Variants in STK3 observed in about 807,000 individuals in gnomAD.
The protein encoded by STK3 is serine/threonine kinase 3.
Under a neutral mutation model 58.0 loss-of-function variants are expected in STK3, and 41 were observed. The observed-to-expected ratio is 0.71, with a 90% CI of 0.55 to 0.92. STK3 has a LOEUF of 0.92. Ranked by LOEUF, STK3 falls within the 40% of genes least tolerant of loss-of-function variation. The pLI, the probability that STK3 is intolerant of heterozygous loss-of-function variation, is 0.00. For synonymous variants in STK3, 170 were observed against 191.0 expected (o/e 0.89, Z 0.91); for missense variants, 479 against 602.7 (o/e 0.79, Z 2.15).
At chr8:98,670,982 C>A (rs188491145) in intron 6 of STK3, among the ~76,000 whole-genome samples, 1 of 152,134 alleles carries the variant, frequency 6.6e-6, no homozygotes. Flanking sequence ...AAGCCAGATG[C>A]GGCCTGGCAG....
At chr8:98,609,960 C>G (rs1817062871) in intron 6 of STK3, among the ~76,000 whole-genome samples, 1 of 149,292 alleles carries the variant, frequency 6.7e-6, no homozygotes, top group Non-Finnish European at 1.5e-5. Flanking sequence ...CAGTGAGACT[C>G]CGTCTCAAAA....
intron 10 of STK3, among the ~76,000 whole-genome samples, chr8:98,506,385 CT>C (rs966607216): frequency 6.6e-6 from 1 of 152,194 alleles, no homozygotes; most frequent in Non-Finnish European, 1.5e-5. Context: ...CCTGCTTCAG[CT>C]TGCCCTCCGT....
intron 6 of STK3, among the ~76,000 whole-genome samples, chr8:98,689,997 C>T (rs1479460007): frequency 2.6e-5 from 4 of 152,024 alleles, no homozygotes; most frequent in Non-Finnish European, 4.4e-5. Flanking sequence ...TCCTATACTC[C>T]TTCATTATAA....
intron 3 of STK3, among the ~76,000 whole-genome samples, chr8:98,873,933 A>C (rs1033800788): frequency 2.6e-5 from 4 of 152,142 alleles, no homozygotes; most frequent in Admixed American, 6.5e-5. Flanking sequence ...GTTTCTTCCC[A>C]GTATCAATGG....
intron 3 of STK3, among the ~76,000 whole-genome samples, chr8:98,414,219 G>A (rs930805161): frequency 1.6e-4 from 25 of 152,140 alleles, no homozygotes; most frequent in African/African-American, 4.8e-4. Context: ...AGCCAAGATC[G>A]TGCCACTGCA....
Position 98,526,918 on chromosome 8 carries a change from C to T in STK3, c.1142-1G>A, listed in dbSNP as rs113119265. On this transcript the variant is annotated splice_acceptor_variant, in intron 9 of 10. Transcript: ENST00000419617. LOFTEE classifies it high-confidence loss of function. ...TGTACTTGTGGTGAGGTTGCATTTC[C>T]TTAGGTAAACAAAGAACATAAGGAA... 6.5e-7 allele frequency: 1 copy of T among 1,535,006 alleles called. No individual in the cohort carries two copies. Among genetic ancestry groups the T allele is most frequent in the Non-Finnish European group, 8.8e-7 (1 of 1,135,128 alleles).
intron 1 of STK3, among the ~76,000 whole-genome samples, chr8:98,803,905 A>G (rs1234068435): frequency 6.6e-6 from 1 of 152,192 alleles, no homozygotes; most frequent in African/African-American, 2.4e-5. Flanking sequence ...TCTAGTGGGA[A>G]AGATAGATGA....
At chr8:98,731,396 C>CA (rs1230619488) in intron 4 of STK3, among the ~76,000 whole-genome samples, 2 of 151,038 alleles carry the variant, frequency 1.3e-5, no homozygotes, top group Non-Finnish European at 3.0e-5. Context: ...ATCCCCAGAT[C>CA]AAAAAAAAGG....
intron 3 of STK3, chr8:98,875,219 A>G (rs1452861161): frequency 6.6e-6 from 1 of 152,202 alleles, no homozygotes; most frequent in African/African-American, 2.4e-5. Flanking sequence ...CCCAGACCAG[A>G]GATCAAAAAC....
chr8:98,888,324 T>TA (rs1438253865), intron 1 of STK3, among the ~76,000 whole-genome samples: 2 of 151,850 alleles, frequency 1.3e-5, no homozygotes, highest in African/African-American at 4.8e-5. Flanking sequence ...GTCTCAAAAA[T>TA]AAAAAATTTT....
intron 1 of STK3, among the ~76,000 whole-genome samples, chr8:98,817,520 A>G (rs1188299831): frequency 6.6e-6 from 1 of 152,062 alleles, no homozygotes; most frequent in African/African-American, 2.4e-5. Flanking sequence ...CTTCTAAAGG[A>G]ACCACTTAAT....
At chr8:98,832,732 ATT>A (rs1835585116) in intron 3 of STK3, among the ~76,000 whole-genome samples, 1 of 151,876 alleles carries the variant, frequency 6.6e-6, no homozygotes, top group African/African-American at 2.4e-5. Flanking sequence ...GGGGCCTAGG[ATT>A]TAATTTCTAT....
At chr8:98,619,336 A>C (rs1428229983) in intron 6 of STK3, among the ~76,000 whole-genome samples, 1 of 151,880 alleles carries the variant, frequency 6.6e-6, no homozygotes, top group African/African-American at 2.4e-5. Flanking sequence ...AAAGATTTAA[A>C]CGTTAGTCCT....
chr8:98,488,568 C>T (rs1476443502), intron 10 of STK3, among the ~76,000 whole-genome samples: 5 of 152,242 alleles, frequency 3.3e-5, no homozygotes, highest in East Asian at 3.9e-4. Flanking sequence ...GTCACAACCT[C>T]GTCTGCTAGG....
At chr8:98,584,581 C>T (rs1416415645) in intron 7 of STK3, among the ~76,000 whole-genome samples, 6 of 149,812 alleles carry the variant, frequency 4.0e-5, no homozygotes, top group South Asian at 2.1e-4. Flanking sequence ...GTCTTTATAG[C>T]AGCATGATTT....
At chr8:98,744,174 G>A (rs187883503) in intron 4 of STK3, among the ~76,000 whole-genome samples, 3,586 of 152,210 alleles carry the variant, frequency 0.024, 69 homozygotes, top group Middle Eastern at 0.082. Context: ...GCAGTGTGGC[G>A]ATTCCTCAGG....
chr8:98,724,981 T>C (rs754813557), intron 4 of STK3, among the ~76,000 whole-genome samples: 8 of 152,212 alleles, frequency 5.3e-5, no homozygotes, highest in Non-Finnish European at 1.2e-4. Flanking sequence ...AATGAACATG[T>C]CCTTTGACTC....
At chr8:98,539,248 G>A (rs1004258077) in intron 9 of STK3, among the ~76,000 whole-genome samples, 1 of 152,144 alleles carries the variant, frequency 6.6e-6, no homozygotes. Context: ...TTTTATTCCT[G>A]TGTATCTGGT....
At chr8:98,373,635 T>G (rs1817635844) in intron 2 of STK3, among the ~76,000 whole-genome samples, 2 of 152,210 alleles carry the variant, frequency 1.3e-5, no homozygotes, top group Admixed American at 1.3e-4. Context: ...GCAGTCAGCT[T>G]GCCTGACCAT....
Sources: allele counts gnomAD v4.1 joint callset (sites outside exome capture counted in the v4.1 genomes callset), GRCh38; gene constraint gnomAD v4.1.1; transcripts MANE v1.5; gene names NCBI Gene and HGNC (gene_info 2026-07-23, HGNC 2026-07-21).